SND1: variants seen among roughly 807,000 people sequenced by gnomAD.
SND1 encodes staphylococcal nuclease domain-containing protein 1.
A neutral mutation model predicts 121.7 loss-of-function variants in SND1; 38 were observed. The observed-to-expected ratio is 0.31, with a 90% CI of 0.24 to 0.41. The LOEUF is 0.41. Among genes scored for constraint, SND1 ranks in the 10% least tolerant of loss-of-function variants. The pLI is 1.00. For synonymous variants in SND1, 401 were observed against 447.4 expected (o/e 0.90, Z 1.31); for missense variants, 868 against 1,184.6 (o/e 0.73, Z 3.92).
chr7:127,911,617 G>T (rs949519296), intron 14 of SND1, among the ~76,000 whole-genome samples: 1 of 152,094 alleles, frequency 6.6e-6, no homozygotes, highest in African/African-American at 2.4e-5. Flanking sequence ...TGCCTCCCAG[G>T]TTCAAGCAAT....
intron 10 of SND1, 119 bp from the exon 11 acceptor site, chr7:127,807,365 A>G (rs1054178268): frequency 1.1e-5 from 8 of 729,618 alleles, no homozygotes; most frequent in African/African-American, 5.3e-5. Context: ...GTCTTAACAC[A>G]TTTAATATTT....
At chr7:127,900,761 G>C (rs1800214324) in intron 13 of SND1, among the ~76,000 whole-genome samples, 1 of 152,176 alleles carries the variant, frequency 6.6e-6, no homozygotes, top group Non-Finnish European at 1.5e-5. Context: ...GCATGTGTGT[G>C]GATATATACT....
intron 14 of SND1, among the ~76,000 whole-genome samples, chr7:127,925,482 G>A (rs1351265757): frequency 2.0e-5 from 3 of 152,158 alleles, no homozygotes; most frequent in Non-Finnish European, 4.4e-5. Flanking sequence ...TTAGCATATA[G>A]ATACATAAGC....
intron 16 of SND1, among the ~76,000 whole-genome samples, chr7:127,995,482 G>A (rs1802626786): frequency 1.3e-5 from 2 of 152,222 alleles, no homozygotes; most frequent in South Asian, 4.1e-4. Flanking sequence ...GATAGCATTA[G>A]CTAATGGGTA....
intron 1 of SND1, among the ~76,000 whole-genome samples, 179 bp downstream of exon 1, chr7:127,652,630 G>C (rs561315831): frequency 1.3e-5 from 2 of 152,270 alleles, no homozygotes; most frequent in South Asian, 4.1e-4. Context: ...GAGTCCCCTT[G>C]TTCCTTGCCT....
intron 16 of SND1, among the ~76,000 whole-genome samples, chr7:128,057,280 A>G (rs1793158712): frequency 1.3e-5 from 2 of 152,222 alleles, no homozygotes; most frequent in African/African-American, 4.8e-5. Flanking sequence ...TGAATCTATA[A>G]GAATTAGACA....
At position 128,029,584 on chromosome 7, in the gene SND1, G is replaced by C. The variant is rs1247118960; in HGVS notation, c.1779+38528G>C. 6.2e-7 allele frequency: 1 copy of C among 1,614,038 alleles called. No homozygotes were observed. On this transcript the variant is annotated intron_variant, in intron 16 of 23. Transcript: ENST00000354725. The surrounding 1 kb of genome is among the most constrained non-coding windows in gnomAD (Gnocchi z 4.2). ...TCTCGAGGTGCGTCCATGATGAAGG[G>C]GGCAGAGCACTGGAAGGAGGCCTGG...
intron 12 of SND1, among the ~76,000 whole-genome samples, chr7:127,881,374 G>A (rs557609346): frequency 6.6e-6 from 1 of 152,162 alleles, no homozygotes; most frequent in African/African-American, 2.4e-5. Flanking sequence ...TTTGTCAGCT[G>A]ATTTTTAGGG....
intron 10 of SND1, among the ~76,000 whole-genome samples, chr7:127,791,660 T>C (rs1390078834): frequency 6.6e-6 from 1 of 152,196 alleles, no homozygotes; most frequent in Non-Finnish European, 1.5e-5. Flanking sequence ...TGCACCCAGC[T>C]CCACTTATTT....
intron 14 of SND1, among the ~76,000 whole-genome samples, chr7:127,909,835 C>T (rs976810382): frequency 2.6e-5 from 4 of 152,168 alleles, no homozygotes; most frequent in African/African-American, 7.2e-5. Flanking sequence ...ATTCATGAAA[C>T]GAAGTCTTAC....
chr7:128,030,041 A>G (rs1377017425), intron 16 of SND1: 1 of 1,613,244 alleles, frequency 6.2e-7, no homozygotes, highest in Admixed American at 1.7e-5. Context: ...CCAAGTTCAG[A>G]TACTTGAGGT....
intron 11 of SND1, among the ~76,000 whole-genome samples, chr7:127,816,828 A>G (rs1336847031): frequency 6.6e-6 from 1 of 151,920 alleles, no homozygotes; most frequent in Non-Finnish European, 1.5e-5. Flanking sequence ...AAGCCCAGCT[A>G]ATTGTTGTAT....
At chr7:128,064,335 G>A (rs1793278253) in intron 16 of SND1, among the ~76,000 whole-genome samples, 1 of 152,184 alleles carries the variant, frequency 6.6e-6, no homozygotes, top group African/African-American at 2.4e-5. Flanking sequence ...ACACCCTCCA[G>A]TATCATGGAG....
At chr7:127,707,954 A>T (rs968880140) in intron 9 of SND1, among the ~76,000 whole-genome samples, 1 of 152,170 alleles carries the variant, frequency 6.6e-6, no homozygotes, top group African/African-American at 2.4e-5. Flanking sequence ...AAGATTTCCT[A>T]TGTCCAAGTA....
chr7:128,007,461 C>T (rs909277877), intron 16 of SND1, among the ~76,000 whole-genome samples: 8 of 152,152 alleles, frequency 5.3e-5, no homozygotes, highest in East Asian at 1.9e-4. Context: ...GATATGGAGA[C>T]GAGGCAACTA....
intron 16 of SND1, among the ~76,000 whole-genome samples, chr7:128,064,936 C>G (rs190646913): frequency 3.3e-3 from 502 of 152,246 alleles, no homozygotes; most frequent in Non-Finnish European, 5.4e-3. Context: ...ATTAACAGGT[C>G]TTTGAAGTAA....
chr7:127,821,998 G>A (rs1798557445), intron 11 of SND1, among the ~76,000 whole-genome samples: 1 of 151,952 alleles, frequency 6.6e-6, no homozygotes, highest in African/African-American at 2.4e-5. Flanking sequence ...TCATTTTAAG[G>A]TTTTTCTCTT....
chr7:127,979,665 A>C (rs1802212371), intron 15 of SND1, among the ~76,000 whole-genome samples: 1 of 152,232 alleles, frequency 6.6e-6, no homozygotes, highest in Non-Finnish European at 1.5e-5. Flanking sequence ...TTTAAAATGA[A>C]GAACAAAGAA....
At position 128,004,263 on chromosome 7, in the gene SND1, A is replaced by G. The variant is rs1328265670; in HGVS notation, c.1779+13207A>G. On this transcript the variant is annotated intron_variant, in intron 16 of 23. Transcript: ENST00000354725. ...GGTTTTGCCAGCTGCAAAATGGAAGAACTAAGCCCTCTTTTGCCTAGAGAA... is the reference window on the plus strand; with the variant it reads ...GGTTTTGCCAGCTGCAAAATGGAAGGACTAAGCCCTCTTTTGCCTAGAGAA... 2.6e-5 allele frequency among the ~76,000 whole-genome samples: 4 copies of G among 152,198 alleles called. No homozygotes were observed. The East Asian group carries it at 5.8e-4, about 22-fold the overall frequency.
Sources: allele counts gnomAD v4.1 joint callset (sites outside exome capture counted in the v4.1 genomes callset), GRCh38; gene constraint gnomAD v4.1.1; non-coding constraint Gnocchi (gnomAD v3.1); transcripts MANE v1.5; gene names NCBI Gene and HGNC (gene_info 2026-07-23, HGNC 2026-07-21).